SLC25A48: variants seen among roughly 807,000 people sequenced by gnomAD.
SLC25A48 encodes the protein CTC-321K16.1.
A neutral mutation model predicts 32.2 loss-of-function variants in SLC25A48; 29 were observed. The ratio of observed to expected loss-of-function variants is 0.90; its 90% CI spans 0.67 to 1.23. The LOEUF is 1.23. SLC25A48 is among the 50% of genes most tolerant of loss of function. SLC25A48 has a pLI of 0.00. For missense variants in SLC25A48, 399 were observed against 422.7 expected, an observed-to-expected ratio of 0.94 and a Z score of 0.49; for synonymous variants, 164 against 172.3, an observed-to-expected ratio of 0.95 and a Z score of 0.38.
In SLC25A48 at chr5:135,874,086, G is replaced by A; in HGVS notation, c.745G>A (p.Val249Ile). 6.6e-7 allele frequency: 1 copy of A among 1,525,650 alleles called. No individual in the cohort carries two copies. The highest frequency in any genetic ancestry group is 8.7e-7 in the Non-Finnish European group (1 of 1,143,708). The allele number at this position is 1,525,650 out of a possible 1,614,324, so 94.5% of individuals were successfully genotyped here. The change falls in exon 6 of 8, where the codon GTT becomes ATT. Residue 249 changes from valine (V) to isoleucine (I), a missense_variant. By Grantham distance (29) the Val-to-Ile change is conservative (BLOSUM62 3). Transcript: ENST00000681962. Reference protein sequence around the residue: ...VVKSRLQADGVYLNKYKGVLD... With the variant: ...VVKSRLQADGIYLNKYKGVLD... ...GAAAAGTCGACTCCAAGCTGATGGG[G>A]TTTATTTAAACAAATATAAAGGTGT...
rs1758349111 is a variant in SLC25A48 at position 135,834,713 on chromosome 5, G to A, written c.-135G>A. The A allele has an allele frequency of 1.0e-6, 1 of 960,298 alleles. No individual in the cohort carries two copies. Among genetic ancestry groups the A allele is most frequent in the Non-Finnish European group, 1.5e-6 (1 of 658,252 alleles). The allele number at this position is 960,298 out of a possible 1,614,324, so 59.5% of individuals were successfully genotyped here. ...CGCGCAGCCGGTGACTGGGGGACTG[G>A]GTTTGGAGTAGGACCTGCGGCGTGC... is the stretch of plus-strand genomic sequence containing the variant. On this transcript the variant is annotated 5_prime_UTR_variant, in exon 1 of 8. Coordinates refer to ENST00000681962, the MANE Select transcript of SLC25A48 (RefSeq NM_001349336.2).
intron 1 of SLC25A48, among the ~76,000 whole-genome samples, chr5:135,617,997 T>A (rs1752228074): frequency 6.6e-6 from 1 of 151,976 alleles, no homozygotes; most frequent in South Asian, 2.1e-4. Flanking sequence ...AGATGATGTG[T>A]TTAATGCTTA....
intron 3 of SLC25A48, among the ~76,000 whole-genome samples, chr5:135,716,311 G>T (rs556996263): frequency 6.6e-6 from 1 of 152,136 alleles, no homozygotes; most frequent in Non-Finnish European, 1.5e-5. Flanking sequence ...TCCACCACCC[G>T]CTCCACTGTG....
chr5:135,863,741 T>A (rs1760984406), intron 4 of SLC25A48, among the ~76,000 whole-genome samples: 1 of 152,066 alleles, frequency 6.6e-6, no homozygotes, highest in Non-Finnish European at 1.5e-5. Context: ...AGGTGGGGAA[T>A]TACCCCAGGC....
rs374452626 is a variant in SLC25A48 at position 135,797,874 on chromosome 5, C to T, written c.-520-14649C>T. Among the ~76,000 whole-genome samples, 7 of 151,742 alleles carry T rather than the reference C, an allele frequency of 4.6e-5. No individual in the cohort carries two copies. In the East Asian group the frequency reaches 1.2e-3, roughly 25 times the overall value. ...TCCAATATCGCAAAAGGTGTACACC[C>T]CTTCTGTGATATGGTTCCTAATATC... On this transcript the variant is annotated intron_variant, in intron 3 of 10. Coordinates refer to the SLC25A48 transcript ENST00000646290.
At chr5:135,726,329 C>T (rs112879446) in intron 3 of SLC25A48, among the ~76,000 whole-genome samples, 2,086 of 152,334 alleles carry the variant, frequency 0.014, 20 homozygotes, top group South Asian at 0.024. Flanking sequence ...CCAGTTTCTT[C>T]CAATGGTAAC....
chr5:135,581,269 A>G (rs962768666), intron 1 of SLC25A48, among the ~76,000 whole-genome samples: 1 of 152,200 alleles, frequency 6.6e-6, no homozygotes, highest in Non-Finnish European at 1.5e-5. Context: ...CTTGCTGGAC[A>G]TTTGGATTGT....
At chr5:135,765,801 CA>C (rs1737563480) in intron 3 of SLC25A48, among the ~76,000 whole-genome samples, 1 of 151,458 alleles carries the variant, frequency 6.6e-6, no homozygotes, top group African/African-American at 2.4e-5. Context: ...CTCCATATTG[CA>C]GGGGGCATAC....
At chr5:135,736,712 A>G (rs1755369421) in intron 3 of SLC25A48, among the ~76,000 whole-genome samples, 2 of 152,314 alleles carry the variant, frequency 1.3e-5, no homozygotes, top group South Asian at 2.1e-4. Context: ...ATAATAAAGC[A>G]GGCATCCCTG....
At chr5:135,768,791 A>G (rs901919447) in intron 3 of SLC25A48, among the ~76,000 whole-genome samples, 1 of 151,662 alleles carries the variant, frequency 6.6e-6, no homozygotes, top group Non-Finnish European at 1.5e-5. Flanking sequence ...CCCTTGTGAT[A>G]TTTTTCATAA....
chr5:135,750,773 T>G (rs1230000160), intron 3 of SLC25A48, among the ~76,000 whole-genome samples: 4 of 152,294 alleles, frequency 2.6e-5, no homozygotes, highest in East Asian at 3.9e-4. Flanking sequence ...TGTCTAACTT[T>G]GCCCTCCTAC....
rs768153505 is a variant in SLC25A48, at chr5:135,880,013, A to G, written c.859A>G (p.Met287Val). Residue 287 changes from methionine (M) to valine (V), a missense_variant, in exon 7 of 8, where the codon ATG becomes GTG. Physicochemically the swap from Met to Val is conservative, Grantham distance 21. Coordinates refer to ENST00000681962, the MANE Select transcript of SLC25A48 (RefSeq NM_001349336.2). Reference sequence around the variant, plus strand: ...TGTGAACGCGGTGCGGGGCTTCCCCATGAGTGCGGCCATGTTCCTTGGGTA... The same window carrying G: ...TGTGAACGCGGTGCGGGGCTTCCCCGTGAGTGCGGCCATGTTCCTTGGGTA... ...ITVNAVRGFP[M>V]SAAMFLGYEL... The G allele has an allele frequency of 6.5e-7, 1 of 1,536,348 alleles. No homozygotes were observed. The highest frequency in any genetic ancestry group is 1.2e-5 in the South Asian group (1 of 84,068).
chr5:135,739,101 A>G (rs1343117496), intron 3 of SLC25A48, among the ~76,000 whole-genome samples: 1 of 151,848 alleles, frequency 6.6e-6, no homozygotes, highest in Non-Finnish European at 1.5e-5. Flanking sequence ...ACAAACAAAC[A>G]AGTTTAATTT....
At chr5:135,634,667 G>T (rs1752658082) in intron 2 of SLC25A48, 1 of 152,276 alleles carries the variant, frequency 6.6e-6, no homozygotes, top group South Asian at 2.1e-4. Flanking sequence ...GTTTAGAAAG[G>T]CCTTCTGGAG....
At chr5:135,652,439 G>A (rs751245181) in intron 3 of SLC25A48, 15 of 455,968 alleles carry the variant, frequency 3.3e-5, no homozygotes, top group Admixed American at 7.1e-5. Context: ...TCTCCATAGC[G>A]TTGCTTCTGA....
At chr5:135,797,579 T>TA (rs1303982659) in intron 3 of SLC25A48, among the ~76,000 whole-genome samples, 1 of 151,940 alleles carries the variant, frequency 6.6e-6, no homozygotes, top group Admixed American at 6.6e-5. Context: ...GTTTCTGTGA[T>TA]ATTGCTGTCA....
chr5:135,881,402 C>G (rs1419033687), intron 7 of SLC25A48, among the ~76,000 whole-genome samples: 2 of 152,366 alleles, frequency 1.3e-5, no homozygotes, highest in Non-Finnish European at 2.9e-5. Context: ...CCTGACCAAT[C>G]AGGCAGACTG....
chr5:135,616,996 C>T (rs931797842), intron 1 of SLC25A48, among the ~76,000 whole-genome samples: 1 of 151,040 alleles, frequency 6.6e-6, no homozygotes, highest in Non-Finnish European at 1.5e-5. Context: ...AGAATTTCCT[C>T]TTTTTTAATT....
intron 3 of SLC25A48, among the ~76,000 whole-genome samples, chr5:135,760,101 G>A (rs1408812134): frequency 6.6e-6 from 1 of 152,052 alleles, no homozygotes; most frequent in South Asian, 2.1e-4. Flanking sequence ...AAAGTGCTGG[G>A]ATTACAGCTG....
Sources: allele counts gnomAD v4.1 joint callset (sites outside exome capture counted in the v4.1 genomes callset), GRCh38; gene constraint gnomAD v4.1.1; transcripts MANE v1.5; gene names NCBI Gene and HGNC (gene_info 2026-07-23, HGNC 2026-07-21).